MIB1: variants seen among roughly 807,000 people sequenced by gnomAD.
MIB1 encodes the protein E3 ubiquitin-protein ligase MIB1.
In MIB1, 278 loss-of-function variants were observed where a neutral mutation model predicts 124.5. The observed-to-expected ratio is 2.23, with a 90% CI of 2.02 to 2.47. MIB1 has a LOEUF of 2.47. MIB1 is among the 30% of genes most tolerant of loss of function. The pLI, the probability that MIB1 is intolerant of heterozygous loss-of-function variation, is 0.00. For missense variants in MIB1, 957 were observed against 1,254.4 expected (o/e 0.76, Z 3.58); for synonymous variants, 446 against 429.4 (o/e 1.04, Z -0.48).
intron 12 of MIB1, chr18:21,826,828 G>C (rs1457754718): frequency 6.6e-6 from 1 of 152,094 alleles, no homozygotes; most frequent in Non-Finnish European, 1.5e-5. Context: ...GTATGCAAAT[G>C]ACTCTTACAC....
chr18:21,770,591 A>AT (rs959552346), intron 3 of MIB1, among the ~76,000 whole-genome samples: 1 of 152,146 alleles, frequency 6.6e-6, no homozygotes, highest in African/African-American at 2.4e-5. Context: ...AAGTGCTGGG[A>AT]TTACAGGCAT....
In MIB1 at chr18:21,868,870, A is replaced by G. The variant is rs2042338185; in HGVS notation, c.*4204A>G. 6.6e-6 allele frequency: 1 copy of G among 152,540 alleles called. No homozygotes were observed. The highest frequency in any genetic ancestry group is 2.4e-5 in the African/African-American group (1 of 41,560). The allele number at this position is 152,540 out of a possible 1,614,324, so 9.4% of individuals were successfully genotyped here. A position where few individuals can be genotyped will look rare whatever the true frequency, so the allele number is the denominator to read the frequency against. On this transcript the variant is annotated 3_prime_UTR_variant, in exon 21 of 21. Coordinates refer to ENST00000261537, the MANE Select transcript of MIB1 (RefSeq NM_020774.4). ...TACAGTGAGGGGGAATATCCTTTAG[A>G]TTGAGCCTCAATTTACTGGTTAGTA...
At position 21,779,665 on chromosome 18, in the gene MIB1, A is replaced by C. The variant is rs781137528; in HGVS notation, c.888A>C (p.Val296=). ...CGIDEDHDIV[V]QYPSGNRWTF... ...TTGATGAAGATCATGACATTGTAGT[A>C]CAGTATCCAAGTGGCAATAGGTGGG... Residue 296 remains valine, a synonymous_variant, in exon 6 of 21, where the codon GTA becomes GTC. Transcript: ENST00000261537. The C allele has an allele frequency of 4.3e-6, 7 of 1,613,902 alleles. No homozygotes were observed. The highest frequency in any genetic ancestry group is 2.7e-5 in the African/African-American group (2 of 74,950).
intron 1 of MIB1, among the ~76,000 whole-genome samples, chr18:21,713,285 CCAGA>C: frequency 3.3e-5 from 1 of 30,250 alleles, no homozygotes; most frequent in South Asian, 9.8e-4. Flanking sequence ...AATTAAATTT[CCAGA>C]TGGAAAATAA....
chr18:21,731,738 A>G (rs2040771670), intron 1 of MIB1, among the ~76,000 whole-genome samples: 1 of 150,634 alleles, frequency 6.6e-6, no homozygotes, highest in East Asian at 1.9e-4. Flanking sequence ...TCTCACAAAA[A>G]AAAAAAAAAA....
chr18:21,793,657 T>G (rs1245394531), intron 7 of MIB1, among the ~76,000 whole-genome samples: 3 of 151,426 alleles, frequency 2.0e-5, no homozygotes, highest in Non-Finnish European at 4.4e-5. Flanking sequence ...GGTGTGTGCC[T>G]GTAATCCCAG....
intron 12 of MIB1, among the ~76,000 whole-genome samples, chr18:21,834,350 G>T (rs554175582): frequency 6.6e-6 from 1 of 152,198 alleles, no homozygotes; most frequent in East Asian, 1.9e-4. Context: ...AGATGAGAGG[G>T]CTGTAGGTCT....
intron 1 of MIB1, among the ~76,000 whole-genome samples, chr18:21,705,443 C>T (rs2040615702): frequency 6.6e-6 from 1 of 152,182 alleles, no homozygotes; most frequent in Admixed American, 6.5e-5. Context: ...TATGGAAATT[C>T]ACACCGATTA....
At chr18:21,738,842 A>C (rs2040808845), upstream of MIB1, among the ~76,000 whole-genome samples, 3 of 59,658 alleles carry the variant, frequency 5.0e-5, no homozygotes, top group East Asian at 6.9e-4. Context: ...AAAAAAAAAA[A>C]AAAAAAAAAA....
At chr18:21,833,462 C>A (rs2042001538) in intron 12 of MIB1, among the ~76,000 whole-genome samples, 1 of 152,114 alleles carries the variant, frequency 6.6e-6, no homozygotes. Flanking sequence ...TTTTTGAATT[C>A]TTGACTAATC....
intron 20 of MIB1, among the ~76,000 whole-genome samples, chr18:21,864,253 G>C (rs2042302398): frequency 6.6e-6 from 1 of 152,134 alleles, no homozygotes; most frequent in Non-Finnish European, 1.5e-5. Flanking sequence ...TGGGATTACA[G>C]GTGTGAGCCA....
At chr18:21,825,449 T>C (rs1218564221) in intron 12 of MIB1, 1 of 301,490 alleles carries the variant, frequency 3.3e-6, no homozygotes, top group Non-Finnish European at 6.5e-6. Context: ...TTCTTTTCTT[T>C]TCTGAAGGAT....
chr18:21,749,489 A>G (rs933079941), intron 1 of MIB1, among the ~76,000 whole-genome samples: 1 of 152,268 alleles, frequency 6.6e-6, no homozygotes, highest in South Asian at 2.1e-4. Flanking sequence ...TAGCTTTTAA[A>G]TTAATTTGTT....
At chr18:21,719,122 A>G (rs923234536) in intron 1 of MIB1, among the ~76,000 whole-genome samples, 36 of 151,268 alleles carry the variant, frequency 2.4e-4, no homozygotes, top group African/African-American at 8.3e-4. Flanking sequence ...CAGGAGGCGG[A>G]GGTTGCAGTG....
rs755675508 is a variant in MIB1, at chr18:21,741,535, A to AGCG, written c.-31_-29dup. ...ACTCCCTCACGGGCCCCCCGGCGGCAGCGGCGGCGGCGGCGGCGGCAGCGG... is the reference window on the plus strand; with the variant it reads ...ACTCCCTCACGGGCCCCCCGGCGGCAGCGGCGGCGGCGGCGGCGGCGGCAGCGG... On this transcript the variant is annotated 5_prime_UTR_variant, in exon 1 of 21. Transcript: ENST00000261537. The surrounding 1 kb of genome is among the most constrained non-coding windows in gnomAD (Gnocchi z 5.4). 234 of 1,231,454 alleles carry AGCG rather than the reference A, an allele frequency of 1.9e-4. 2 individuals carry two copies. The highest frequency in any genetic ancestry group is 1.1e-3 in the East Asian group (29 of 27,264). 76.3% of individuals were successfully genotyped at this position (1,231,454 alleles called of 1,614,324 possible).
chr18:21,712,612 T>C (rs1250193742), intron 1 of MIB1, among the ~76,000 whole-genome samples: 3 of 152,172 alleles, frequency 2.0e-5, no homozygotes, highest in Non-Finnish European at 2.9e-5. Flanking sequence ...GTCCTGCAAC[T>C]GCAAGGAAAT....
rs1028846768 is a variant in MIB1 at position 21,869,319 on chromosome 18, A to G, written c.*4653A>G. The G allele has an allele frequency of 6.6e-6, 1 of 152,404 alleles. No individual in the cohort carries two copies. Among genetic ancestry groups the G allele is most frequent in the African/African-American group, 2.4e-5 (1 of 41,432 alleles). The allele number at this position is 152,404 out of a possible 1,614,324, so 9.4% of individuals were successfully genotyped here. On this transcript the variant is annotated 3_prime_UTR_variant, in exon 21 of 21. Coordinates refer to ENST00000261537, the MANE Select transcript of MIB1 (RefSeq NM_020774.4). ...AAATAAACGTGCCATTTTGTCTGCAATCTATAATTTCAGGAAGTTATTGAA... is the reference window on the plus strand; with the variant it reads ...AAATAAACGTGCCATTTTGTCTGCAGTCTATAATTTCAGGAAGTTATTGAA...
intron 10 of MIB1, among the ~76,000 whole-genome samples, chr18:21,814,231 G>A (rs1008507507): frequency 1.8e-4 from 28 of 152,010 alleles, no homozygotes; most frequent in African/African-American, 6.8e-4. Flanking sequence ...GGTAGTTTAT[G>A]CTTCGTTTTT....
At chr18:21,727,922 A>C (rs558697627) in intron 1 of MIB1, among the ~76,000 whole-genome samples, 44 of 152,324 alleles carry the variant, frequency 2.9e-4, no homozygotes, top group Non-Finnish European at 4.9e-4. Context: ...GGTTAGACTA[A>C]AGCCATGTCC....
Sources: gnomAD v4.1 joint callset for allele counts (sites outside exome capture counted in the v4.1 genomes callset) on GRCh38, gnomAD v4.1.1 for gene constraint, Gnocchi (gnomAD v3.1) non-coding constraint, MANE v1.5 for transcripts, NCBI Gene and HGNC (gene_info 2026-07-23, HGNC 2026-07-21) for gene names.